Variants in GNPTAB observed in about 807,000 individuals in gnomAD.
GNPTAB encodes the protein N-acetylglucosamine-1-phosphotransferase subunits alpha/beta.
Under a neutral mutation model 136.6 loss-of-function variants are expected in GNPTAB, and 92 were observed. The ratio of observed to expected loss-of-function variants is 0.67; its 90% CI spans 0.57 to 0.80. The LOEUF is 0.80. GNPTAB is among the 30% of genes least tolerant of loss of function. The probability of loss-of-function intolerance (pLI) is 0.00; values close to 1 mark genes in which losing one functional copy is unlikely to be tolerated. For synonymous variants in GNPTAB, 512 were observed against 535.1 expected, an observed-to-expected ratio of 0.96 and a Z score of 0.60; for missense variants, 1,343 against 1,501.8, an observed-to-expected ratio of 0.89 and a Z score of 1.75.
intron 1 of GNPTAB, among the ~76,000 whole-genome samples, chr12:101,811,924 C>A (rs969253915): frequency 6.7e-6 from 1 of 150,186 alleles, no homozygotes; most frequent in Admixed American, 6.6e-5. Flanking sequence ...CAGGCTGAGC[C>A]GCTGCGTCCG....
At chr12:101,814,900 C>T (rs765012851) in intron 1 of GNPTAB, among the ~76,000 whole-genome samples, 10 of 152,014 alleles carry the variant, frequency 6.6e-5, no homozygotes, top group Non-Finnish European at 1.5e-4. Context: ...CTGTAGGCCT[C>T]GAGAAAACTC....
rs1284450359 is a variant in GNPTAB, at chr12:101,765,244, G to A, written c.1673C>T (p.Pro558Leu). Residue 558 changes from proline to leucine, a missense_variant, in exon 13 of 21, where the codon CCA becomes CTA. Transcript: ENST00000299314. Reference sequence around the variant, plus strand: ...GAAATAAGGCAGGCATTCACCTTTTGGAATAATATAGTGAGTCTGGTTTGG... The same window carrying A: ...GAAATAAGGCAGGCATTCACCTTTTAGAATAATATAGTGAGTCTGGTTTGG... Reference protein sequence around the residue: ...LLPNQTHYIIPKGECLPYFSF... With the variant: ...LLPNQTHYIILKGECLPYFSF... The A allele has an allele frequency of 6.2e-7, 1 of 1,613,832 alleles. No individual in the cohort carries two copies. Among genetic ancestry groups the A allele is most frequent in the Non-Finnish European group, 8.5e-7 (1 of 1,179,834 alleles).
At position 101,830,690 on chromosome 12, in the gene GNPTAB, C is replaced by T. The variant is rs1365900674; in HGVS notation, c.-15G>A. Reference sequence around the variant, plus strand: ...TTGAACAGCATCACCCCTTCACCGCCACGCCACGCCCCGAGGAGCCTGAGC... The same window carrying T: ...TTGAACAGCATCACCCCTTCACCGCTACGCCACGCCCCGAGGAGCCTGAGC... On this transcript the variant is annotated 5_prime_UTR_variant, in exon 1 of 21. Coordinates refer to ENST00000299314, the MANE Select transcript of GNPTAB (RefSeq NM_024312.5). 1 of 1,480,490 alleles carries T rather than the reference C, an allele frequency of 6.8e-7. No homozygotes were observed. Among genetic ancestry groups the T allele is most frequent in the African/African-American group, 1.5e-5 (1 of 68,824 alleles). 91.7% of individuals were successfully genotyped at this position (1,480,490 alleles called of 1,614,324 possible). A position where few individuals can be genotyped will look rare whatever the true frequency, so the allele number is the denominator to read the frequency against.
chr12:101,771,213 C>A (rs2137125235), intron 7 of GNPTAB, 56 bp from the exon 8 acceptor site: 14 of 1,381,244 alleles, frequency 1.0e-5, no homozygotes, highest in Non-Finnish European at 1.1e-5. Flanking sequence ...GGATGAAGCA[C>A]CTTTAAATTC....
chr12:101,826,449 C>A (rs957724094), intron 1 of GNPTAB, among the ~76,000 whole-genome samples: 4 of 151,916 alleles, frequency 2.6e-5, no homozygotes, highest in African/African-American at 9.7e-5. Flanking sequence ...ACTGGAGGGG[C>A]TTTCAACTTT....
At position 101,824,633 on chromosome 12, in the gene GNPTAB, A is replaced by G. The variant is rs959506013; in HGVS notation, c.117+5926T>C. Among the ~76,000 whole-genome samples, 34 of 150,970 alleles carry G rather than the reference A, an allele frequency of 2.3e-4. 1 individual carries two copies. Among genetic ancestry groups the G allele is most frequent in the African/African-American group, 5.6e-4 (23 of 41,148 alleles). On this transcript the variant is annotated intron_variant, in intron 1 of 20. Coordinates refer to ENST00000299314, the MANE Select transcript of GNPTAB (RefSeq NM_024312.5). ...AGGCATGCACCACCACGCCCAGTTA[A>G]TTTTTGTATTTTTTGTAGAGACAGG...
intron 19 of GNPTAB, among the ~76,000 whole-genome samples, chr12:101,752,670 T>C (rs565858649): frequency 3.3e-5 from 5 of 152,316 alleles, no homozygotes; most frequent in Non-Finnish European, 7.3e-5. Flanking sequence ...TCTCACCACT[T>C]CTGAGATTCT....
chr12:101,811,604 G>A (rs902642914), intron 1 of GNPTAB, among the ~76,000 whole-genome samples: 2 of 151,466 alleles, frequency 1.3e-5, no homozygotes, highest in Admixed American at 6.6e-5. Context: ...GGCCGGAGAA[G>A]GAGGAAGAGA....
At chr12:101,771,698 T>C (rs1953179164) in intron 7 of GNPTAB, among the ~76,000 whole-genome samples, 1 of 152,210 alleles carries the variant, frequency 6.6e-6, no homozygotes, top group Admixed American at 6.5e-5. Context: ...CTCAGAGCCA[T>C]CTGAGAGCTG....
chr12:101,825,726 C>T (rs1304770038), intron 1 of GNPTAB, among the ~76,000 whole-genome samples: 1 of 152,106 alleles, frequency 6.6e-6, no homozygotes, highest in African/African-American at 2.4e-5. Context: ...GTGAAGTATC[C>T]AATAAATGTA....
In GNPTAB at chr12:101,754,898, C is replaced by T. The variant is rs577234711; in HGVS notation, c.3435-1359G>A. ...ATCTATAATCAGATTTATTCATATA[C>T]ACATGCAAAAAATTATACGGTTAAA... On this transcript the variant is annotated intron_variant, in intron 18 of 20. Transcript: ENST00000299314. Among the ~76,000 whole-genome samples the T allele has an allele frequency of 2.0e-5, 3 of 152,086 alleles. No homozygotes were observed. In the South Asian group the frequency reaches 6.2e-4, roughly 32 times the overall value.
chr12:101,809,793 T>C (rs754876908), intron 1 of GNPTAB, among the ~76,000 whole-genome samples: 46 of 152,142 alleles, frequency 3.0e-4, no homozygotes, highest in Non-Finnish European at 5.4e-4. Context: ...CAAGAACAAC[T>C]GCAGGGCAGT....
At chr12:101,785,872 A>T (rs747835106) in intron 5 of GNPTAB, 140 bp downstream of exon 5, 14 of 679,012 alleles carry the variant, frequency 2.1e-5, no homozygotes, top group Non-Finnish European at 3.3e-5. Flanking sequence ...ATACAATAGC[A>T]GCTGTTTTGC....
chr12:101,825,634 A>C (rs1460292892), intron 1 of GNPTAB, among the ~76,000 whole-genome samples: 1 of 152,160 alleles, frequency 6.6e-6, no homozygotes, highest in African/African-American at 2.4e-5. Flanking sequence ...CAAACCCCCC[A>C]AAACAAAGAG....
At chr12:101,764,113 T>C in intron 13 of GNPTAB, 89 bp downstream of exon 13, 1 of 1,553,870 alleles carries the variant, frequency 6.4e-7, no homozygotes, top group South Asian at 1.1e-5. Flanking sequence ...CACAGGGAAG[T>C]GCTGAATAAA....
intron 1 of GNPTAB, among the ~76,000 whole-genome samples, chr12:101,827,636 AGAG>A (rs1262632277): frequency 2.0e-5 from 3 of 152,156 alleles, no homozygotes; most frequent in Non-Finnish European, 4.4e-5. Context: ...TGTTATATTG[AGAG>A]GAGGAGACGA....
At chr12:101,748,978 A>G in intron 20 of GNPTAB, 123 bp downstream of exon 20, 1 of 681,572 alleles carries the variant, frequency 1.5e-6, no homozygotes, top group Non-Finnish European at 2.6e-6. Flanking sequence ...TTCACATATG[A>G]GCTATAAGAC....
In GNPTAB at chr12:101,759,883, G is replaced by A. The variant is rs1594209640; in HGVS notation, c.3249+147C>T. On this transcript the variant is annotated intron_variant, in intron 16 of 20. Transcript: ENST00000299314. The stretch of plus-strand genomic sequence containing the variant: ...TTCCAAAGCAAGCTATGAATGATTC[G>A]GATTACCTGTGCTACTGTTTTGCAA... The A allele has an allele frequency of 3.9e-5, 26 of 674,520 alleles. No individual in the cohort carries two copies. In the East Asian group the frequency reaches 6.1e-4, roughly 16 times the overall value. 41.8% of individuals were successfully genotyped at this position (674,520 alleles called of 1,614,324 possible).
chr12:101,770,507 TC>T lies in GNPTAB; in HGVS notation c.1011del (p.Arg338GlyfsTer21). On this transcript the variant is annotated frameshift_variant, in exon 9 of 21. Transcript: ENST00000299314. LOFTEE classifies it high-confidence loss of function. ...ATATTCCGAACCCATGGTGCATGCC[TC>T]TCGATAGATCGCAATGAGTACCTCA... ...EELRYSLRSI[E>X]RHAPWVRNIF... 6.2e-7 allele frequency: 1 copy of T among 1,613,174 alleles called. No individual in the cohort carries two copies. Among genetic ancestry groups the T allele is most frequent in the Non-Finnish European group, 8.5e-7 (1 of 1,179,094 alleles).
Sources: allele counts gnomAD v4.1 joint callset (sites outside exome capture counted in the v4.1 genomes callset), GRCh38; gene constraint gnomAD v4.1.1; transcripts MANE v1.5; gene names NCBI Gene and HGNC (gene_info 2026-07-23, HGNC 2026-07-21).